Variants in NNMT observed in about 807,000 individuals in gnomAD.
NNMT encodes nicotinamide N-methyltransferase.
Under a neutral mutation model 11.7 loss-of-function variants are expected in NNMT, and 10 were observed. The ratio of observed to expected loss-of-function variants is 0.85; its 90% CI spans 0.53 to 1.45. The LOEUF (loss-of-function observed/expected upper bound fraction) is 1.45, where lower values mean the gene tolerates loss of function less well. Among genes scored for constraint, NNMT ranks in the 40% most tolerant of loss-of-function variants. NNMT has a pLI of 0.00. For missense variants in NNMT, 381 were observed against 319.4 expected (o/e 1.19, Z -1.47); for synonymous variants, 143 against 133.8 (o/e 1.07, Z -0.48).
chr11:114,269,118 G>T (rs1184657442), intron 2 of NNMT, among the ~76,000 whole-genome samples: 2 of 152,042 alleles, frequency 1.3e-5, no homozygotes, highest in Admixed American at 6.5e-5. Flanking sequence ...CATTGTGTAA[G>T]TGCTAGAGCC....
upstream of NNMT, among the ~76,000 whole-genome samples, chr11:114,293,464 A>G (rs1945348867): frequency 6.6e-6 from 1 of 152,042 alleles, no homozygotes; most frequent in Non-Finnish European, 1.5e-5. Context: ...CCAACAGTGT[A>G]CAAGGGTCCC....
intron 1 of NNMT, among the ~76,000 whole-genome samples, chr11:114,297,059 G>A (rs1945388017): frequency 6.6e-6 from 1 of 152,214 alleles, no homozygotes; most frequent in Non-Finnish European, 1.5e-5. Context: ...AGGGAATGCT[G>A]TGAATATGCA....
chr11:114,295,934 G>C (rs1476997447), upstream of NNMT: 17 of 152,196 alleles, frequency 1.1e-4, no homozygotes, highest in Admixed American at 1.1e-3. Context: ...GGCTGGACTA[G>C]ATTTTACAGA....
intron 2 of NNMT, among the ~76,000 whole-genome samples, chr11:114,305,821 G>A (rs1231227983): frequency 2.0e-5 from 3 of 152,036 alleles, no homozygotes; most frequent in Admixed American, 6.6e-5. Flanking sequence ...GTGTGCATGT[G>A]TCTTTATAGC....
At chr11:114,271,473 G>GT (rs1591826915) in intron 2 of NNMT, among the ~76,000 whole-genome samples, 1 of 152,220 alleles carries the variant, frequency 6.6e-6, no homozygotes, top group East Asian at 1.9e-4. Context: ...ATTCAGTGCA[G>GT]TTATAGAGCA....
intron 2 of NNMT, among the ~76,000 whole-genome samples, chr11:114,265,749 G>GGCT (rs1284665512): frequency 1.3e-5 from 2 of 152,104 alleles, no homozygotes; most frequent in East Asian, 3.9e-4. Flanking sequence ...AATAGCCTTT[G>GGCT]GCTGTATTTG....
intron 2 of NNMT, among the ~76,000 whole-genome samples, chr11:114,288,954 G>A (rs1325695795): frequency 1.3e-5 from 2 of 151,904 alleles, no homozygotes; most frequent in Non-Finnish European, 2.9e-5. Flanking sequence ...TTAGTTGAGG[G>A]GTATTTTCTC....
At chr11:114,287,395 A>C (rs1945307155) in intron 2 of NNMT, among the ~76,000 whole-genome samples, 1 of 152,030 alleles carries the variant, frequency 6.6e-6, no homozygotes. Context: ...TAGTTTTTTA[A>C]TCTGCCTGAA....
intron 2 of NNMT, among the ~76,000 whole-genome samples, chr11:114,304,804 A>T (rs1015888615): frequency 6.6e-6 from 1 of 152,204 alleles, no homozygotes; most frequent in Non-Finnish European, 1.5e-5. Flanking sequence ...GTCACATTCC[A>T]GACTGGCTGG....
At chr11:114,275,693 T>C (rs1017464141) in intron 2 of NNMT, among the ~76,000 whole-genome samples, 2 of 152,094 alleles carry the variant, frequency 1.3e-5, no homozygotes, top group Non-Finnish European at 2.9e-5. Flanking sequence ...ATCTTGCGAG[T>C]GTGTGTATGG....
At position 114,312,091 on chromosome 11, in the gene NNMT, C is replaced by T. The variant is rs756900251; in HGVS notation, c.409C>T (p.Gln137Ter). The T allele has an allele frequency of 5.0e-6, 8 of 1,600,214 alleles. No homozygotes were observed. The Admixed American group carries it at 1.4e-4, about 27-fold the overall frequency. Reference protein sequence around the residue: ...KEEKLRQAVKQVLKCDVTQSQ... With the variant: ...KEEKLRQAVK ...GGAGAAGTTGAGACAGGCGGTCAAG[C>T]AGGTGCTGAAGTGTGATGTGACTCA... The change falls in exon 3 of 3, where the codon CAG becomes TAG. Residue 137 changes from glutamine to a stop codon, truncating the protein, a stop_gained. Coordinates refer to ENST00000299964, the MANE Select transcript of NNMT (RefSeq NM_006169.3). LOFTEE classifies it low-confidence loss of function (END_TRUNC).
At chr11:114,286,243 G>A (rs146149374) in intron 2 of NNMT, among the ~76,000 whole-genome samples, 14 of 152,336 alleles carry the variant, frequency 9.2e-5, no homozygotes, top group East Asian at 3.9e-4. Flanking sequence ...GGGACTCTGC[G>A]TCTGGATATG....
rs1233232768 is a variant in NNMT, at chr11:114,268,480, A to G, written c.-130+5546A>G. ...CAAGCTTATGATTGCTTAAAAATAT[A>G]CTACAACAGACCAGGCGCGGTGGCT... On this transcript the variant is annotated intron_variant, in intron 2 of 4. Coordinates refer to the NNMT transcript ENST00000535401. Among the ~76,000 whole-genome samples the G allele has an allele frequency of 2.6e-5, 4 of 152,068 alleles. No homozygotes were observed. The East Asian group carries it at 7.7e-4, about 29-fold the overall frequency.
intron 1 of NNMT, among the ~76,000 whole-genome samples, chr11:114,259,366 G>T (rs1945056727): frequency 2.8e-5 from 4 of 143,554 alleles, no homozygotes; most frequent in Non-Finnish European, 4.5e-5. Flanking sequence ...GGGAGCTCCT[G>T]CATCCCCACA....
At chr11:114,258,388 C>G (rs1229289303) in intron 1 of NNMT, among the ~76,000 whole-genome samples, 3 of 152,252 alleles carry the variant, frequency 2.0e-5, no homozygotes, top group East Asian at 3.8e-4. Flanking sequence ...CCGGCGCCAG[C>G]AGAGGTTTGC....
At chr11:114,298,377 G>A in intron 2 of NNMT, 1 of 543,508 alleles carries the variant, frequency 1.8e-6, no homozygotes. Context: ...AAGACACAGG[G>A]AGAGGGTTGA....
chr11:114,264,807 A>G (rs1418174986), intron 2 of NNMT, among the ~76,000 whole-genome samples: 1 of 152,208 alleles, frequency 6.6e-6, no homozygotes, highest in Non-Finnish European at 1.5e-5. Flanking sequence ...TTACCTATTT[A>G]CTATAAAAGA....
rs755320068 is a variant in NNMT, at chr11:114,312,669, G to C, written c.*192G>C. ...TACTTGGTGCTGCACACAAATGTTG[G>C]TGCTATGGGACCCAAAGATGAGCAA... On this transcript the variant is annotated 3_prime_UTR_variant, in exon 3 of 3. Coordinates refer to ENST00000299964, the MANE Select transcript of NNMT (RefSeq NM_006169.3). The C allele has an allele frequency of 7.0e-6, 4 of 568,670 alleles. No homozygotes were observed. Among genetic ancestry groups the C allele is most frequent in the Admixed American group, 3.0e-5 (1 of 32,822 alleles). 35.2% of individuals were successfully genotyped at this position (568,670 alleles called of 1,614,324 possible). A position where few individuals can be genotyped will look rare whatever the true frequency, so the allele number is the denominator to read the frequency against.
chr11:114,262,140 C>T (rs1397841648), intron 1 of NNMT, among the ~76,000 whole-genome samples: 2 of 152,176 alleles, frequency 1.3e-5, no homozygotes, highest in African/African-American at 2.4e-5. Flanking sequence ...AATGGAGGGT[C>T]GCTGAAGTCA....
Sources: gnomAD v4.1 joint callset for allele counts (sites outside exome capture counted in the v4.1 genomes callset) on GRCh38, gnomAD v4.1.1 for gene constraint, MANE v1.5 for transcripts, NCBI Gene and HGNC (gene_info 2026-07-23, HGNC 2026-07-21) for gene names.